The following TMEM165 variants were observed in gnomAD, a reference collection of about 807,000 sequenced individuals.
TMEM165 encodes transmembrane protein 165, also known as putative divalent cation/proton antiporter TMEM165.
A neutral mutation model predicts 30.0 loss-of-function variants in TMEM165; 19 were observed. That is an observed-to-expected ratio of 0.63 (90% CI 0.44 to 0.93). TMEM165 has a LOEUF of 0.93. TMEM165 is among the 40% of genes least tolerant of loss of function. The pLI is 0.00. For missense variants in TMEM165, 340 were observed against 417.0 expected, an observed-to-expected ratio of 0.82 and a Z score of 1.61; for synonymous variants, 168 against 162.9, an observed-to-expected ratio of 1.03 and a Z score of -0.24.
At chr4:55,403,074 G>T (rs944802582) in intron 1 of TMEM165, among the ~76,000 whole-genome samples, 2 of 152,146 alleles carry the variant, frequency 1.3e-5, no homozygotes, top group African/African-American at 4.8e-5. Flanking sequence ...ACAGGCATGA[G>T]CCACCACACC....
intron 3 of TMEM165, among the ~76,000 whole-genome samples, chr4:55,441,567 A>G (rs12510110): frequency 0.34 from 51,367 of 152,070 alleles, 9,376 homozygotes; most frequent in East Asian, 0.58. Flanking sequence ...AAGAAAAAAT[A>G]ATGCATTTTG....
At chr4:55,412,537 G>A (rs1395458547) in intron 2 of TMEM165, 1 of 151,384 alleles carries the variant, frequency 6.6e-6, no homozygotes, top group Non-Finnish European at 1.5e-5. Context: ...TTTAACAGTT[G>A]GAAATTTACA....
At position 55,417,074 on chromosome 4, in the gene TMEM165, T is replaced by C. The variant is rs1276866371; in HGVS notation, c.436T>C (p.Leu146=). 1 of 1,592,166 alleles carries C rather than the reference T, an allele frequency of 6.3e-7. No individual in the cohort carries two copies. The change falls in exon 3 of 6, where the codon TTG becomes CTG. Residue 146 remains leucine (L), a splice_region_variant and synonymous_variant. Transcript: ENST00000381334. ...ACATACTGTTGTATTTTTTCCAGTT[T>C]TGTTTGGCTATGCCACCACAGTCAT... is the stretch of plus-strand genomic sequence containing the variant. ...ALGLMTCLSV[L]FGYATTVIPR...
chr4:55,396,287 C>A lies in TMEM165; in HGVS notation c.98C>A (p.Ala33Asp). The change falls in exon 1 of 6, where the codon GCC becomes GAC. Residue 33 changes from alanine (A) to aspartate (D), a missense_variant. Ala to Asp is a moderately radical substitution (Grantham distance 126). This residue lies in a region of TMEM165 where 120 missense variants were observed against 109.4 expected (regional missense o/e 1.10). Coordinates refer to ENST00000381334, the MANE Select transcript of TMEM165 (RefSeq NM_018475.5). ...PLLWAPAAVRAGPDEDLSHRN... is the reference protein window; with the variant it reads ...PLLWAPAAVRDGPDEDLSHRN... ...CTGTGGGCCCCGGCTGCGGTCCGGG[C>A]CGGCCCAGATGAAGACCTTAGCCAC... The A allele has an allele frequency of 2.0e-6, 3 of 1,528,458 alleles. No homozygotes were observed. Among genetic ancestry groups the A allele is most frequent in the Non-Finnish European group, 2.6e-6 (3 of 1,143,564 alleles). 94.7% of individuals were successfully genotyped at this position (1,528,458 alleles called of 1,614,324 possible). A position where few individuals can be genotyped will look rare whatever the true frequency, so the allele number is the denominator to read the frequency against.
intron 4 of TMEM165, 195 bp from the exon 5 acceptor site, chr4:55,424,343 A>C: frequency 1.9e-6 from 1 of 534,934 alleles, no homozygotes; most frequent in Non-Finnish European, 3.3e-6. Context: ...TTTTAGGTCT[A>C]GTCTTAAGTA....
At chr4:55,438,444 C>T (rs1723070864) in intron 3 of TMEM165, 2 of 1,613,900 alleles carry the variant, frequency 1.2e-6, no homozygotes, top group East Asian at 4.5e-5. Flanking sequence ...CAGTCACCAC[C>T]TGGCCCATAA....
rs1251374214 is a variant in TMEM165, at chr4:55,424,644, G to GT, written c.898+2dup. 6.3e-7 allele frequency: 1 copy of GT among 1,575,538 alleles called. No homozygotes were observed. The highest frequency in any genetic ancestry group is 1.1e-5 in the South Asian group (1 of 90,302). On this transcript the variant is annotated splice_donor_variant, in intron 5 of 5. Transcript: ENST00000381334. LOFTEE classifies it high-confidence loss of function. ...GCACAGAAAATCTCTGTCAGAACTGGTAAGTCTTGAAAATTACAAATCAGA... is the reference window on the plus strand; with the variant it reads ...GCACAGAAAATCTCTGTCAGAACTGGTTAAGTCTTGAAAATTACAAATCAGA...
intron 1 of TMEM165, among the ~76,000 whole-genome samples, chr4:55,402,119 C>CAAAAAAAAAA (rs71194551): frequency 5.9e-4 from 63 of 106,972 alleles, no homozygotes; most frequent in African/African-American, 2.6e-3. Flanking sequence ...ACTCTGTCTC[C>CAAAAAAAAAA]AAAAAAAAAA....
At chr4:55,449,458 G>A in intron 3 of TMEM165, 3 of 1,613,988 alleles carry the variant, frequency 1.9e-6, no homozygotes, top group East Asian at 2.2e-5. Flanking sequence ...TGCTGCCTGG[G>A]TGGAGTGCTC....
intron 1 of TMEM165, among the ~76,000 whole-genome samples, chr4:55,406,054 A>T (rs1365193416): frequency 6.6e-6 from 1 of 152,200 alleles, no homozygotes; most frequent in Non-Finnish European, 1.5e-5. Flanking sequence ...ACTGAATCCC[A>T]CTGAAATCCC....
At position 55,418,058 on chromosome 4, in the gene TMEM165, A is replaced by G; in HGVS notation, c.792+73A>G. 3 of 1,398,608 alleles carry G rather than the reference A, an allele frequency of 2.1e-6. No homozygotes were observed. The South Asian group carries it at 4.2e-5, about 20-fold the overall frequency. 86.6% of individuals were successfully genotyped at this position (1,398,608 alleles called of 1,614,324 possible). A position where few individuals can be genotyped will look rare whatever the true frequency, so the allele number is the denominator to read the frequency against. On this transcript the variant is annotated intron_variant, in intron 4 of 5. Coordinates refer to ENST00000381334, the MANE Select transcript of TMEM165 (RefSeq NM_018475.5). ...ATTACTTTGTTCCAGAAAACACTGG[A>G]CACACTGAAGTGGGCCACAGCATTC...
intron 1 of TMEM165, 76 bp from the exon 2 acceptor site, chr4:55,411,538 A>G: frequency 1.5e-6 from 2 of 1,379,224 alleles, no homozygotes; most frequent in African/African-American, 1.5e-5. Flanking sequence ...TTTCAAAAAA[A>G]CTAAATCTTA....
intron 3 of TMEM165, among the ~76,000 whole-genome samples, chr4:55,438,107 A>C (rs981418637): frequency 3.9e-5 from 6 of 152,226 alleles, no homozygotes; most frequent in African/African-American, 1.4e-4. Context: ...ACGACTGAGC[A>C]AGGGAAGAAA....
At chr4:55,397,181 AC>A (rs1225342958) in intron 1 of TMEM165, 1 of 151,530 alleles carries the variant, frequency 6.6e-6, no homozygotes. Context: ...TGGCACTCAA[AC>A]CCCCACTCCC....
chr4:55,405,667 A>G (rs1721239139), intron 1 of TMEM165, among the ~76,000 whole-genome samples: 2 of 151,810 alleles, frequency 1.3e-5, no homozygotes, highest in African/African-American at 4.8e-5. Flanking sequence ...AGGTCTAGTG[A>G]TTTTTCTTTC....
chr4:55,441,442 G>A (rs781091448), intron 3 of TMEM165, among the ~76,000 whole-genome samples: 9 of 152,088 alleles, frequency 5.9e-5, no homozygotes, highest in Non-Finnish European at 1.0e-4. Context: ...TATGGCTATC[G>A]CAGTACAGTT....
At chr4:55,397,812 T>C (rs1384894479) in intron 1 of TMEM165, among the ~76,000 whole-genome samples, 3 of 152,084 alleles carry the variant, frequency 2.0e-5, no homozygotes, top group Non-Finnish European at 2.9e-5. Context: ...AGTGGCCCCG[T>C]CTTGGCTCAC....
chr4:55,422,676 T>C (rs1035529854), intron 4 of TMEM165, among the ~76,000 whole-genome samples: 1 of 151,566 alleles, frequency 6.6e-6, no homozygotes, highest in African/African-American at 2.4e-5. Context: ...TGAGATGGAG[T>C]CTCACTCTGT....
intron 3 of TMEM165, among the ~76,000 whole-genome samples, chr4:55,441,511 A>G (rs1723365827): frequency 6.6e-6 from 1 of 152,242 alleles, no homozygotes; most frequent in South Asian, 2.1e-4. Context: ...GTGGAGAAAG[A>G]AAATGTGGTA....
Sources: allele counts gnomAD v4.1 joint callset (sites outside exome capture counted in the v4.1 genomes callset), GRCh38; gene constraint gnomAD v4.1.1; regional missense constraint gnomAD v4.1.1; transcripts MANE v1.5; gene names NCBI Gene and HGNC (gene_info 2026-07-23, HGNC 2026-07-21).